The following CCDC138 variants were observed in gnomAD, a reference collection of about 807,000 sequenced individuals.
CCDC138 encodes coiled-coil domain containing 138, also known as coiled-coil domain-containing protein 138.
A neutral mutation model predicts 82.3 loss-of-function variants in CCDC138; 66 were observed. The observed-to-expected ratio is 0.80, with a 90% CI of 0.66 to 0.98. The LOEUF is 0.98. CCDC138 is among the 50% of genes least tolerant of loss of function. The pLI, the probability that CCDC138 is intolerant of heterozygous loss-of-function variation, is 0.00. For synonymous variants in CCDC138, 297 were observed against 265.4 expected (o/e 1.12, Z -1.16); for missense variants, 816 against 758.9 (o/e 1.08, Z -0.88).
chr2:108,839,772 TCAGGATTTTTA>T (rs1689154747), intron 11 of CCDC138, among the ~76,000 whole-genome samples: 1 of 152,100 alleles, frequency 6.6e-6, no homozygotes. Flanking sequence ...TGAAGATTCC[TCAGGATTTTTA>T]CATAGAAAAT....
intron 5 of CCDC138, among the ~76,000 whole-genome samples, chr2:108,795,266 T>C (rs1368491805): frequency 6.8e-6 from 1 of 147,440 alleles, no homozygotes; most frequent in African/African-American, 2.5e-5. Flanking sequence ...GTGATTCTCC[T>C]GCCTCAGCCT....
chr2:108,829,517 A>C (rs1687189809), intron 10 of CCDC138, among the ~76,000 whole-genome samples: 1 of 152,212 alleles, frequency 6.6e-6, no homozygotes, highest in Non-Finnish European at 1.5e-5. Flanking sequence ...AGGCCAAGGC[A>C]GGCGGGTCAC....
In CCDC138 at chr2:108,839,210, T is replaced by G; in HGVS notation, c.1232T>G (p.Leu411Arg). ...VKLLPLMTEQ[L>R]QWMPFVNIKL... ...CTTTTGCCTCTAATGACAGAGCAGC[T>G]ACAGTGGATGCCATTTGTGAATATC... The change falls in exon 11 of 15, where the codon CTA (leucine) becomes CGA (arginine). Residue 411 changes from leucine (L) to arginine (R), a missense_variant. Leu to Arg is a moderately radical substitution (Grantham distance 102, BLOSUM62 -2). Transcript: ENST00000295124. 6.2e-7 allele frequency: 1 copy of G among 1,611,966 alleles called. No homozygotes were observed. The highest frequency in any genetic ancestry group is 8.5e-7 in the Non-Finnish European group (1 of 1,178,806).
At chr2:108,861,269 C>CA (rs1290817980) in intron 13 of CCDC138, among the ~76,000 whole-genome samples, 2 of 151,010 alleles carry the variant, frequency 1.3e-5, no homozygotes, top group Admixed American at 1.3e-4. Context: ...TTTATCCTTT[C>CA]AAAAAAACAC....
chr2:108,816,242 G>T, intron 10 of CCDC138, 137 bp downstream of exon 10: 1 of 610,322 alleles, frequency 1.6e-6, no homozygotes. Context: ...CCTGAGGTCA[G>T]GAGTTTAAGA....
intron 10 of CCDC138, among the ~76,000 whole-genome samples, chr2:108,838,544 C>G (rs1414749481): frequency 1.3e-5 from 2 of 152,074 alleles, no homozygotes; most frequent in Non-Finnish European, 2.9e-5. Context: ...TGGGAGTATT[C>G]TGTTAGAGCC....
chr2:108,850,127 G>A (rs1691204657), intron 12 of CCDC138, among the ~76,000 whole-genome samples: 2 of 152,062 alleles, frequency 1.3e-5, no homozygotes, highest in Admixed American at 6.6e-5. Context: ...ATCCTTTATC[G>A]TTAAATATAC....
intron 11 of CCDC138, among the ~76,000 whole-genome samples, chr2:108,844,766 G>A: frequency 3.1e-5 from 2 of 64,072 alleles, no homozygotes; most frequent in African/African-American, 1.3e-4. Flanking sequence ...TTTTTTTTTT[G>A]AGACAGAGTC....
chr2:108,828,926 C>T (rs887403736), intron 10 of CCDC138, among the ~76,000 whole-genome samples: 1 of 151,938 alleles, frequency 6.6e-6, no homozygotes, highest in African/African-American at 2.4e-5. Flanking sequence ...TGCAGTGAGC[C>T]GAGATCACGC....
At chr2:108,839,929 A>C (rs1689185173) in intron 11 of CCDC138, among the ~76,000 whole-genome samples, 2 of 151,938 alleles carry the variant, frequency 1.3e-5, no homozygotes, top group Admixed American at 1.3e-4. Flanking sequence ...GAGAGTAGTC[A>C]TCCTTGCCTT....
rs371678666 is a variant in CCDC138, at chr2:108,840,607, G to A, written c.1323+1306G>A. ...TTCAAATGTATGCACATTTATGTGT[G>A]TAGAGTTTTTCATAGTATTCTCTTA... On this transcript the variant is annotated intron_variant, in intron 11 of 14. Transcript: ENST00000295124. 4.1e-4 allele frequency among the ~76,000 whole-genome samples: 62 copies of A among 152,244 alleles called. 1 individual carries two copies. The South Asian group carries it at 0.013, about 32-fold the overall frequency.
At chr2:108,822,164 T>C (rs1407285294) in intron 10 of CCDC138, among the ~76,000 whole-genome samples, 1 of 152,044 alleles carries the variant, frequency 6.6e-6, no homozygotes, top group Non-Finnish European at 1.5e-5. Flanking sequence ...GTAGTAATAC[T>C]AATATAAGAC....
At chr2:108,842,016 G>C (rs11903751) in intron 11 of CCDC138, among the ~76,000 whole-genome samples, 2,813 of 151,864 alleles carry the variant, frequency 0.019, 99 homozygotes, top group African/African-American at 0.066. Context: ...GGAAGTAAAG[G>C]GTTTTTCTTG....
At chr2:108,798,148 C>T (rs1251154479) in intron 5 of CCDC138, among the ~76,000 whole-genome samples, 2 of 151,960 alleles carry the variant, frequency 1.3e-5, no homozygotes, top group African/African-American at 4.8e-5. Flanking sequence ...TAAGCTGGAT[C>T]GGGAACTAAA....
intron 6 of CCDC138, 131 bp downstream of exon 6, chr2:108,798,717 AC>A: frequency 2.0e-6 from 1 of 491,092 alleles, no homozygotes; most frequent in Non-Finnish European, 3.6e-6. Context: ...CTACACACAC[AC>A]ACACACACAC....
intron 14 of CCDC138, among the ~76,000 whole-genome samples, chr2:108,874,287 T>A (rs1343507741): frequency 6.6e-6 from 1 of 152,194 alleles, no homozygotes. Context: ...TAGTAAACTC[T>A]TATGGACTGC....
chr2:108,808,772 G>C (rs1683273258), intron 7 of CCDC138, among the ~76,000 whole-genome samples: 1 of 152,020 alleles, frequency 6.6e-6, no homozygotes. Flanking sequence ...TGAATAGTTT[G>C]CATATATTTT....
At chr2:108,789,331 G>A (rs1679517979) in intron 3 of CCDC138, among the ~76,000 whole-genome samples, 1 of 152,144 alleles carries the variant, frequency 6.6e-6, no homozygotes, top group South Asian at 2.1e-4. Context: ...GGTGGCTCAC[G>A]CCTGTAATCC....
intron 14 of CCDC138, among the ~76,000 whole-genome samples, chr2:108,875,314 T>C (rs1239695487): frequency 3.6e-5 from 1 of 27,906 alleles, no homozygotes; most frequent in African/African-American, 1.5e-4. Flanking sequence ...AAACTTAAAG[T>C]ATAATAAAAA....
Sources: allele counts gnomAD v4.1 joint callset (sites outside exome capture counted in the v4.1 genomes callset), GRCh38; gene constraint gnomAD v4.1.1; transcripts MANE v1.5; gene names NCBI Gene and HGNC (gene_info 2026-07-23, HGNC 2026-07-21).